Variants in KAT6B observed in about 807,000 individuals in gnomAD.
KAT6B encodes the protein histone acetyltransferase KAT6B.
In KAT6B, 10 loss-of-function variants were observed where a neutral mutation model predicts 187.5. That is an observed-to-expected ratio of 0.05 (90% CI 0.03 to 0.09). The LOEUF is 0.09. KAT6B is among the 10% of genes least tolerant of loss of function. The pLI is 1.00. For synonymous variants in KAT6B, 861 were observed against 926.8 expected, an observed-to-expected ratio of 0.93 and a Z score of 1.29; for missense variants, 1,952 against 2,558.9, an observed-to-expected ratio of 0.76 and a Z score of 5.12.
At chr10:74,877,511 C>T (rs1844511232) in intron 3 of KAT6B, among the ~76,000 whole-genome samples, 1 of 152,008 alleles carries the variant, frequency 6.6e-6, no homozygotes, top group Non-Finnish European at 1.5e-5. Flanking sequence ...AAAGTGACTG[C>T]TTAATTTCAG....
chr10:75,007,362 G>A (rs1304307841), intron 13 of KAT6B, among the ~76,000 whole-genome samples: 1 of 152,148 alleles, frequency 6.6e-6, no homozygotes, highest in African/African-American at 2.4e-5. Context: ...CCAGAGTGAG[G>A]ACAGTATAGG....
intron 3 of KAT6B, among the ~76,000 whole-genome samples, chr10:74,869,721 T>C (rs1287155397): frequency 4.6e-5 from 7 of 152,246 alleles, no homozygotes; most frequent in Admixed American, 4.6e-4. Flanking sequence ...TATGTATTTA[T>C]TTGTCTGGCT....
intron 3 of KAT6B, among the ~76,000 whole-genome samples, chr10:74,914,881 C>T (rs1221451566): frequency 6.6e-6 from 1 of 151,936 alleles, no homozygotes; most frequent in Non-Finnish European, 1.5e-5. Context: ...CACTGGAGGC[C>T]AGGAGTTTGA....
At chr10:74,826,968 AG>A (rs1476038150) in intron 1 of KAT6B, among the ~76,000 whole-genome samples, 183 bp downstream of exon 1, 1 of 132,708 alleles carries the variant, frequency 7.5e-6, no homozygotes, top group African/African-American at 2.8e-5. Context: ...AAAGGGGAGG[AG>A]GGACAGGCCC....
chr10:74,990,108 T>A (rs563619567), intron 13 of KAT6B, among the ~76,000 whole-genome samples: 2 of 139,510 alleles, frequency 1.4e-5, no homozygotes, highest in East Asian at 4.5e-4. Context: ...GGCAGGAGAA[T>A]CACTTGAACC....
intron 13 of KAT6B, among the ~76,000 whole-genome samples, chr10:74,996,506 C>G (rs1464405774): frequency 6.6e-6 from 1 of 151,950 alleles, no homozygotes; most frequent in Admixed American, 6.6e-5. Flanking sequence ...TGCGGTGGCT[C>G]ACGCCTGTAA....
At position 74,830,661 on chromosome 10, in the gene KAT6B, G is replaced by A. The variant is rs562544077; in HGVS notation, c.-329+3876G>A. 5.7e-5 allele frequency among the ~76,000 whole-genome samples: 7 copies of A among 123,748 alleles called. No individual in the cohort carries two copies. In the South Asian group the frequency reaches 1.9e-3, roughly 33 times the overall value. 81.2% of individuals were successfully genotyped at this position (123,748 alleles called of 152,430 possible). ...GCCCTCTCCAATCTCAGCCTTTTTA[G>A]CTTTTATGATTTTAGCCAATATGGT... On this transcript the variant is annotated intron_variant, in intron 1 of 17. Coordinates refer to ENST00000287239, the MANE Select transcript of KAT6B (RefSeq NM_012330.4).
At chr10:74,970,253 A>G (rs1201138086) in intron 6 of KAT6B, 152 bp downstream of exon 6, 1 of 631,350 alleles carries the variant, frequency 1.6e-6, no homozygotes, top group Non-Finnish European at 2.8e-6. Context: ...CAGGTTGTGA[A>G]TAGAGGAGTA....
intron 3 of KAT6B, among the ~76,000 whole-genome samples, chr10:74,897,950 T>C (rs1846102652): frequency 6.6e-6 from 1 of 152,186 alleles, no homozygotes; most frequent in South Asian, 2.1e-4. Flanking sequence ...CATGTTAAAT[T>C]AGGAATTTTA....
chr10:74,933,039 A>G (rs1432641493), intron 3 of KAT6B, among the ~76,000 whole-genome samples: 1 of 152,168 alleles, frequency 6.6e-6, no homozygotes, highest in Non-Finnish European at 1.5e-5. Flanking sequence ...GTGTTGTTTC[A>G]CATGCTGATC....
intron 12 of KAT6B, 108 bp from the exon 13 acceptor site, chr10:74,988,911 C>A: frequency 2.2e-5 from 17 of 758,160 alleles, no homozygotes; most frequent in Non-Finnish European, 2.2e-5. Flanking sequence ...CCTGACCTAA[C>A]CCATTGGCTT....
rs1342661645 is a variant in KAT6B at position 74,908,328 on chromosome 10, C to T, written c.622-51642C>T. ...CTGTAATCGCGGCACTTTGGGAGGC[C>T]GAGGCGGGCAGATCACGAGGTCAAG... is the stretch of plus-strand genomic sequence containing the variant. On this transcript the variant is annotated intron_variant, in intron 3 of 17. Transcript: ENST00000287239. 4.6e-5 allele frequency among the ~76,000 whole-genome samples: 7 copies of T among 152,064 alleles called. No individual in the cohort carries two copies. The South Asian group carries it at 8.3e-4, about 18-fold the overall frequency.
At position 75,021,289 on chromosome 10, in the gene KAT6B, A is replaced by G. The variant is rs1290976435; in HGVS notation, c.3021+4A>G. The G allele has an allele frequency of 6.2e-7, 1 of 1,613,738 alleles. No individual in the cohort carries two copies. The highest frequency in any genetic ancestry group is 1.3e-5 in the African/African-American group (1 of 74,926). On this transcript the variant is annotated splice_donor_region_variant and intron_variant, in intron 15 of 17. Coordinates refer to ENST00000287239, the MANE Select transcript of KAT6B (RefSeq NM_012330.4). ...AGAGCGAGAAGCTGAGAAAGAGGTA[A>G]TGATTGTCTTTATCATCCTAAGTTG...
chr10:74,936,722 G>A (rs1849301870), intron 3 of KAT6B, among the ~76,000 whole-genome samples: 1 of 152,190 alleles, frequency 6.6e-6, no homozygotes. Flanking sequence ...TGTGCGGTGT[G>A]TATATGACCT....
At chr10:74,962,724 C>T (rs1841187950) in intron 4 of KAT6B, among the ~76,000 whole-genome samples, 2 of 152,086 alleles carry the variant, frequency 1.3e-5, no homozygotes, top group East Asian at 1.9e-4. Context: ...GCTTAGATTT[C>T]ATAGATGAGA....
chr10:74,831,927 G>C (rs1184922619), intron 1 of KAT6B, among the ~76,000 whole-genome samples: 1 of 152,236 alleles, frequency 6.6e-6, no homozygotes, highest in East Asian at 1.9e-4. Context: ...TCCCATCACA[G>C]CACACCTACT....
At chr10:74,875,205 C>T (rs1844324997) in intron 3 of KAT6B, among the ~76,000 whole-genome samples, 1 of 152,132 alleles carries the variant, frequency 6.6e-6, no homozygotes, top group Admixed American at 6.5e-5. Context: ...TTTAAACATT[C>T]CTAGTGCAAA....
intron 3 of KAT6B, among the ~76,000 whole-genome samples, chr10:74,901,232 A>C (rs532875871): frequency 7.2e-5 from 11 of 152,332 alleles, no homozygotes; most frequent in Admixed American, 4.6e-4. Context: ...AAAGGTTCAG[A>C]TCAAAAGCAA....
chr10:74,981,208 CAAAGT>C lies in KAT6B; in HGVS notation c.2232-574_2232-570del, dbSNP rs1474730896. Among the ~76,000 whole-genome samples the C allele has an allele frequency of 2.0e-5, 3 of 152,070 alleles. No individual in the cohort carries two copies. The East Asian group carries it at 5.8e-4, about 29-fold the overall frequency. On this transcript the variant is annotated intron_variant, in intron 10 of 17. Coordinates refer to ENST00000287239, the MANE Select transcript of KAT6B (RefSeq NM_012330.4). ...TTTAAGGAAACAAATTATTTGTTCA[CAAAGT>C]AAAGGGAGCACATATTATGGATTAT...
Sources: gnomAD v4.1 joint callset for allele counts (sites outside exome capture counted in the v4.1 genomes callset) on GRCh38, gnomAD v4.1.1 for gene constraint, MANE v1.5 for transcripts, NCBI Gene and HGNC (gene_info 2026-07-23, HGNC 2026-07-21) for gene names.